Variants in ABAT observed in about 807,000 individuals in gnomAD.
The protein encoded by ABAT is 4-aminobutyrate aminotransferase, mitochondrial.
A neutral mutation model predicts 64.6 loss-of-function variants in ABAT; 45 were observed. The observed-to-expected ratio is 0.70, with a 90% CI of 0.55 to 0.89. The LOEUF (loss-of-function observed/expected upper bound fraction) is 0.89. Among genes scored for constraint, ABAT ranks in the 40% least tolerant of loss-of-function variants. The probability of loss-of-function intolerance (pLI) is 0.00; values close to 1 mark genes in which losing one functional copy is unlikely to be tolerated. For missense variants in ABAT, 633 were observed against 658.4 expected (o/e 0.96, Z 0.42); for synonymous variants, 297 against 250.5 (o/e 1.19, Z -1.75).
intron 1 of ABAT, among the ~76,000 whole-genome samples, chr16:8,700,989 G>C (rs2057809950): frequency 6.7e-6 from 1 of 150,036 alleles, no homozygotes; most frequent in South Asian, 2.1e-4. Context: ...TCAGGCTGCA[G>C]TGCAGTGCTG....
At chr16:8,696,760 G>A (rs764107746) in intron 1 of ABAT, among the ~76,000 whole-genome samples, 2 of 152,184 alleles carry the variant, frequency 1.3e-5, no homozygotes, top group South Asian at 2.1e-4. Flanking sequence ...CCCAGCAGCC[G>A]GGTGCCTGGG....
intron 2 of ABAT, chr16:8,737,076 T>C (rs1369366694): frequency 3.3e-5 from 5 of 152,454 alleles, no homozygotes; most frequent in Non-Finnish European, 5.9e-5. Context: ...GACAAACTGC[T>C]AGCCGTGTCC....
At chr16:8,733,687 G>C (rs2058826470) in intron 1 of ABAT, among the ~76,000 whole-genome samples, 1 of 151,858 alleles carries the variant, frequency 6.6e-6, no homozygotes, top group Non-Finnish European at 1.5e-5. Flanking sequence ...CAGGCGTGGC[G>C]GCGTGAGGCT....
chr16:8,735,173 C>CAAA (rs79765636), intron 1 of ABAT, among the ~76,000 whole-genome samples: 2 of 72,496 alleles, frequency 2.8e-5, no homozygotes, highest in African/African-American at 4.2e-5. Context: ...GACTCCATCT[C>CAAA]AAAAAAAAAA....
chr16:8,764,776 C>T lies in ABAT; in HGVS notation c.486C>T (p.Ala162=), dbSNP rs763045532. ...PKGMSQLITM[A]CGSCSNENAL... ...GGATGTCCCAGCTCATCACCATGGC[C>T]TGCGGCTCCTGCTCCAATGAAAACG... Residue 162 remains alanine (A), a synonymous_variant, in exon 8 of 16, where the codon GCC becomes GCT. Coordinates refer to ENST00000268251, the MANE Select transcript of ABAT (RefSeq NM_020686.6). This position sits in a 1 kb window ranked among gnomAD's most constrained non-coding sequence, Gnocchi z 4.2. 22 of 1,614,162 alleles carry T rather than the reference C, an allele frequency of 1.4e-5. No individual in the cohort carries two copies. The highest frequency in any genetic ancestry group is 5.0e-5 in the Admixed American group (3 of 60,012).
At chr16:8,778,185 C>A (rs1040942556) in intron 14 of ABAT, among the ~76,000 whole-genome samples, 1 of 152,156 alleles carries the variant, frequency 6.6e-6, no homozygotes, top group Non-Finnish European at 1.5e-5. Flanking sequence ...AGACTAGGCA[C>A]CTGCATTTGT....
At chr16:8,757,656 G>A in intron 5 of ABAT, 101 bp from the exon 6 acceptor site, 4 of 1,299,804 alleles carry the variant, frequency 3.1e-6, no homozygotes, top group East Asian at 2.3e-5. Flanking sequence ...TTTAAAGAGA[G>A]TTGGGGGGTT....
chr16:8,755,029 T>G (rs1418810954), intron 5 of ABAT, among the ~76,000 whole-genome samples: 1 of 152,224 alleles, frequency 6.6e-6, no homozygotes, highest in Non-Finnish European at 1.5e-5. Context: ...GAATTTCTGT[T>G]AGTTACTGGC....
intron 1 of ABAT, among the ~76,000 whole-genome samples, chr16:8,714,239 G>A (rs1326177096): frequency 6.6e-6 from 1 of 152,158 alleles, no homozygotes; most frequent in Non-Finnish European, 1.5e-5. Context: ...AATGAAGTGA[G>A]GGTCACCTTG....
intron 1 of ABAT, among the ~76,000 whole-genome samples, chr16:8,702,327 A>G (rs560435807): frequency 4.4e-4 from 66 of 151,334 alleles, no homozygotes; most frequent in African/African-American, 1.6e-3. Flanking sequence ...ATCTTGGCTC[A>G]CTGCAACCTC....
chr16:8,765,098 A>G (rs2059906524), intron 8 of ABAT, among the ~76,000 whole-genome samples: 1 of 152,088 alleles, frequency 6.6e-6, no homozygotes, highest in Non-Finnish European at 1.5e-5. Context: ...CTGAGAGGCA[A>G]AGGCGGGCAG....
At chr16:8,779,307 C>T (rs2143002071) in intron 14 of ABAT, among the ~76,000 whole-genome samples, 172 bp from the exon 15 acceptor site, 1 of 152,218 alleles carries the variant, frequency 6.6e-6, no homozygotes, top group Non-Finnish European at 1.5e-5. Flanking sequence ...CACAGCTGGG[C>T]TTTGAACCCA....
intron 1 of ABAT, among the ~76,000 whole-genome samples, chr16:8,685,178 C>T (rs952948567): frequency 1.3e-4 from 19 of 151,808 alleles, no homozygotes; most frequent in African/African-American, 4.3e-4. Flanking sequence ...GCCAACTACT[C>T]GGGAGGCTGA....
chr16:8,710,717 A>AGT (rs1555485672), intron 1 of ABAT, among the ~76,000 whole-genome samples: 1 of 56,190 alleles, frequency 1.8e-5, no homozygotes, highest in Non-Finnish European at 5.2e-5. Context: ...AGAGAGAGAG[A>AGT]GAGAGAGAGA....
chr16:8,710,696 G>GAA (rs2058047505), intron 1 of ABAT, among the ~76,000 whole-genome samples: 1 of 71,116 alleles, frequency 1.4e-5, no homozygotes, highest in Non-Finnish European at 3.0e-5. Context: ...GAGAGAGACA[G>GAA]AGAGAGAGAG....
At chr16:8,751,395 G>A (rs1259012661) in intron 5 of ABAT, among the ~76,000 whole-genome samples, 1 of 152,134 alleles carries the variant, frequency 6.6e-6, no homozygotes, top group Non-Finnish European at 1.5e-5. Context: ...GCCAGAGGTA[G>A]GGATTCTTGG....
At chr16:8,707,235 T>G (rs1640972) in intron 1 of ABAT, among the ~76,000 whole-genome samples, 104,321 of 151,644 alleles carry the variant, frequency 0.69, 36,765 homozygotes, top group East Asian at 0.85. Flanking sequence ...CACCCAGGCT[T>G]GAGTACAGTG....
chr16:8,721,177 G>A (rs982556037), intron 1 of ABAT, among the ~76,000 whole-genome samples: 1 of 152,072 alleles, frequency 6.6e-6, no homozygotes, highest in Non-Finnish European at 1.5e-5. Context: ...CTAGTCTGGG[G>A]GTAAGATCAT....
intron 11 of ABAT, among the ~76,000 whole-genome samples, chr16:8,771,710 C>G (rs1049096702): frequency 7.2e-5 from 11 of 152,044 alleles, no homozygotes; most frequent in African/African-American, 2.7e-4. Context: ...CTCAGGTGAT[C>G]TGCTCGCCTT....
Sources: gnomAD v4.1 joint callset for allele counts (sites outside exome capture counted in the v4.1 genomes callset) on GRCh38, gnomAD v4.1.1 for gene constraint, Gnocchi (gnomAD v3.1) non-coding constraint, MANE v1.5 for transcripts, NCBI Gene and HGNC (gene_info 2026-07-23, HGNC 2026-07-21) for gene names.